The following SNTG2 variants were observed in gnomAD, a reference collection of about 807,000 sequenced individuals.
SNTG2 encodes gamma-2-syntrophin.
SNTG2 carries 74 observed loss-of-function variants against 70.9 expected under a neutral mutation model. The observed-to-expected ratio is 1.04, with a 90% CI of 0.86 to 1.27. The LOEUF (loss-of-function observed/expected upper bound fraction) is 1.27, where lower values mean the gene tolerates loss of function less well. Among genes scored for constraint, SNTG2 ranks in the 50% most tolerant of loss-of-function variants. The pLI, the probability that SNTG2 is intolerant of heterozygous loss-of-function variation, is 0.00. For missense variants in SNTG2, 717 were observed against 690.7 expected, an observed-to-expected ratio of 1.04 and a Z score of -0.43; for synonymous variants, 278 against 273.8, an observed-to-expected ratio of 1.02 and a Z score of -0.15.
intron 1 of SNTG2, among the ~76,000 whole-genome samples, chr2:999,215 A>G (rs1328497831): frequency 6.6e-6 from 1 of 152,124 alleles, no homozygotes; most frequent in Admixed American, 6.5e-5. Context: ...GTCTTATAAA[A>G]CAATTATGCA....
chr2:1,082,810 A>G (rs1353588875), intron 1 of SNTG2, among the ~76,000 whole-genome samples: 1 of 152,232 alleles, frequency 6.6e-6, no homozygotes, highest in African/African-American at 2.4e-5. Flanking sequence ...GGAGGAGGCA[A>G]CGTTTCTAAT....
chr2:1,010,723 G>GCT (rs1313954506), intron 1 of SNTG2, among the ~76,000 whole-genome samples: 2 of 152,176 alleles, frequency 1.3e-5, no homozygotes, highest in Non-Finnish European at 2.9e-5. Flanking sequence ...TATACGCAGG[G>GCT]CTCTTCACCT....
At chr2:988,276 C>T (rs1661390436) in intron 1 of SNTG2, among the ~76,000 whole-genome samples, 1 of 152,210 alleles carries the variant, frequency 6.6e-6, no homozygotes, top group African/African-American at 2.4e-5. Flanking sequence ...AGAGCCACAA[C>T]TATGATCAAG....
chr2:1,122,769 AAAGTT>A (rs528466250), intron 4 of SNTG2, among the ~76,000 whole-genome samples: 229 of 151,822 alleles, frequency 1.5e-3, no homozygotes, highest in Admixed American at 3.0e-3. Flanking sequence ...AGGAAGAAGT[AAAGTT>A]ATCTATTTGC....
chr2:1,245,610 A>G (rs1014425181), intron 11 of SNTG2, among the ~76,000 whole-genome samples: 16 of 152,382 alleles, frequency 1.0e-4, no homozygotes, highest in African/African-American at 3.8e-4. Context: ...TTTGCTAGAA[A>G]AAGATGCATT....
At chr2:1,312,819 T>C in intron 15 of SNTG2, among the ~76,000 whole-genome samples, 1 of 152,184 alleles carries the variant, frequency 6.6e-6, no homozygotes, top group East Asian at 1.9e-4. Flanking sequence ...CCTGTGGGGC[T>C]GAGTTAAGGT....
chr2:1,332,495 A>ATATC (rs1460108014), intron 16 of SNTG2, among the ~76,000 whole-genome samples: 1 of 152,198 alleles, frequency 6.6e-6, no homozygotes, highest in Non-Finnish European at 1.5e-5. Flanking sequence ...TACAGACAAT[A>ATATC]TATCTGATTA....
chr2:1,076,580 C>A (rs1049741627), intron 1 of SNTG2, among the ~76,000 whole-genome samples: 2 of 152,168 alleles, frequency 1.3e-5, no homozygotes, highest in African/African-American at 4.8e-5. Context: ...TTTAGAATAG[C>A]CTTCTCTGTT....
At chr2:1,110,794 A>G (rs756226733) in intron 4 of SNTG2, among the ~76,000 whole-genome samples, 1 of 152,250 alleles carries the variant, frequency 6.6e-6, no homozygotes, top group Non-Finnish European at 1.5e-5. Context: ...ACTCAGGCCA[A>G]TGTGCCTGCA....
At chr2:1,197,100 A>G (rs1672955276) in intron 8 of SNTG2, among the ~76,000 whole-genome samples, 1 of 152,192 alleles carries the variant, frequency 6.6e-6, no homozygotes, top group African/African-American at 2.4e-5. Context: ...AATGACAGGA[A>G]TAAGTCCTCA....
chr2:1,084,755 G>A (rs867094410), intron 2 of SNTG2, among the ~76,000 whole-genome samples: 7 of 152,334 alleles, frequency 4.6e-5, no homozygotes, highest in Non-Finnish European at 1.0e-4. Context: ...GGTCTGGTGA[G>A]GGTCTGCTCT....
chr2:1,341,621 TG>T (rs1418183104), intron 16 of SNTG2: 1 of 152,174 alleles, frequency 6.6e-6, no homozygotes, highest in Admixed American at 6.5e-5. Flanking sequence ...ATGAGATCCC[TG>T]GGGAGGCAGT....
At chr2:1,250,612 C>T (rs990345450) in intron 12 of SNTG2, among the ~76,000 whole-genome samples, 2 of 151,820 alleles carry the variant, frequency 1.3e-5, no homozygotes, top group African/African-American at 2.4e-5. Context: ...GACTCTATTT[C>T]TCTCTATCTC....
At chr2:972,859 A>G (rs1375222146) in intron 1 of SNTG2, among the ~76,000 whole-genome samples, 3 of 152,186 alleles carry the variant, frequency 2.0e-5, no homozygotes, top group Non-Finnish European at 4.4e-5. Flanking sequence ...TGCTTCCTGT[A>G]CAGCCTGCAG....
intron 16 of SNTG2, among the ~76,000 whole-genome samples, chr2:1,352,375 C>A (rs1660626227): frequency 6.6e-6 from 1 of 152,082 alleles, no homozygotes; most frequent in African/African-American, 2.4e-5. Flanking sequence ...CCCTCTGCCC[C>A]CTGAGCTCCT....
At chr2:1,080,616 G>T (rs1664225315) in intron 1 of SNTG2, among the ~76,000 whole-genome samples, 1 of 148,372 alleles carries the variant, frequency 6.7e-6, no homozygotes, top group Non-Finnish European at 1.5e-5. Flanking sequence ...CATGTGTGTT[G>T]CATGTGTGTG....
At chr2:1,182,687 T>G (rs1286683432) in intron 8 of SNTG2, among the ~76,000 whole-genome samples, 1 of 152,198 alleles carries the variant, frequency 6.6e-6, no homozygotes, top group Non-Finnish European at 1.5e-5. Flanking sequence ...TTACAGCATC[T>G]TTGTCGAGGA....
intron 14 of SNTG2, among the ~76,000 whole-genome samples, chr2:1,286,132 C>T (rs1679755090): frequency 6.6e-6 from 1 of 152,152 alleles, no homozygotes; most frequent in Admixed American, 6.5e-5. Context: ...TTCCTGGTGG[C>T]AGGGTTCCTC....
chr2:1,080,348 G>A (rs1664205331), intron 1 of SNTG2, among the ~76,000 whole-genome samples: 2 of 152,140 alleles, frequency 1.3e-5, no homozygotes, highest in African/African-American at 2.4e-5. Flanking sequence ...ATTTTTATAG[G>A]AATTTGACTT....
Sources: gnomAD v4.1 joint callset for allele counts (sites outside exome capture counted in the v4.1 genomes callset) on GRCh38, gnomAD v4.1.1 for gene constraint, MANE v1.5 for transcripts, NCBI Gene and HGNC (gene_info 2026-07-23, HGNC 2026-07-21) for gene names.